The following NAALADL2 variants were observed in gnomAD, a reference collection of about 807,000 sequenced individuals.
The protein encoded by NAALADL2 is inactive N-acetylated-alpha-linked acidic dipeptidase-like protein 2.
In NAALADL2, 76 loss-of-function variants were observed where a neutral mutation model predicts 87.2. The observed-to-expected ratio is 0.87, with a 90% CI of 0.72 to 1.05. The LOEUF (loss-of-function observed/expected upper bound fraction) is 1.05. NAALADL2 is among the 50% of genes least tolerant of loss of function. NAALADL2 has a pLI of 0.00. For synonymous variants in NAALADL2, 354 were observed against 331.0 expected (o/e 1.07, Z -0.75); for missense variants, 1,089 against 945.8 (o/e 1.15, Z -1.99).
intron 2 of NAALADL2, among the ~76,000 whole-genome samples, chr3:174,690,091 A>G (rs1200285020): frequency 1.3e-5 from 2 of 152,214 alleles, no homozygotes; most frequent in African/African-American, 4.8e-5. Flanking sequence ...AGAAGTCATG[A>G]CAGAACTGTA....
chr3:174,703,588 ATAATTAGAGGATCT>A (rs1300984209), intron 2 of NAALADL2, among the ~76,000 whole-genome samples: 1 of 152,118 alleles, frequency 6.6e-6, no homozygotes, highest in Non-Finnish European at 1.5e-5. Context: ...AGTGAAGTAT[ATAATTAGAGGATCT>A]TAATCTTCTC....
At chr3:175,607,509 A>T (rs947238608) in intron 10 of NAALADL2, among the ~76,000 whole-genome samples, 1 of 151,660 alleles carries the variant, frequency 6.6e-6, no homozygotes, top group East Asian at 1.9e-4. Flanking sequence ...TCTCTATTTT[A>T]TGGGCAAAGG....
chr3:174,472,482 G>A (rs1716964940), intron 1 of NAALADL2, among the ~76,000 whole-genome samples: 1 of 152,096 alleles, frequency 6.6e-6, no homozygotes, highest in African/African-American at 2.4e-5. Flanking sequence ...GGGGGAATTG[G>A]TGAGTGTCAA....
At chr3:175,032,371 C>T (rs896121215) in intron 1 of NAALADL2, among the ~76,000 whole-genome samples, 1 of 151,918 alleles carries the variant, frequency 6.6e-6, no homozygotes, top group African/African-American at 2.4e-5. Context: ...ATGCGGTAAG[C>T]TCTATTAAGC....
chr3:174,930,613 A>AATTTTTTTTTTTTT (rs1188907600), intron 1 of NAALADL2, among the ~76,000 whole-genome samples: 1 of 99,776 alleles, frequency 1.0e-5, no homozygotes, highest in African/African-American at 4.4e-5. Context: ...AATAAGATGA[A>AATTTTTTTTTTTTT]CTTTTTTTTT....
intron 6 of NAALADL2, among the ~76,000 whole-genome samples, chr3:175,449,971 A>G (rs1303115119): frequency 6.6e-6 from 1 of 152,190 alleles, no homozygotes. Flanking sequence ...TGTTATAATG[A>G]GTTATTTATT....
At chr3:175,765,813 G>T (rs2150161197) in intron 13 of NAALADL2, among the ~76,000 whole-genome samples, 1 of 152,156 alleles carries the variant, frequency 6.6e-6, no homozygotes, top group East Asian at 1.9e-4. Flanking sequence ...CATTTTTCAT[G>T]TATTATTTGT....
At chr3:175,707,000 C>T (rs1420278775) in intron 11 of NAALADL2, among the ~76,000 whole-genome samples, 1 of 151,926 alleles carries the variant, frequency 6.6e-6, no homozygotes, top group Non-Finnish European at 1.5e-5. Context: ...AGAATAAAAA[C>T]AAAAAAGTTT....
At chr3:175,642,821 T>G (rs925055955) in intron 11 of NAALADL2, among the ~76,000 whole-genome samples, 1 of 152,134 alleles carries the variant, frequency 6.6e-6, no homozygotes, top group Non-Finnish European at 1.5e-5. Flanking sequence ...TAGGAACTGT[T>G]TAGTGATGCT....
chr3:175,013,096 A>T (rs1277133023), intron 1 of NAALADL2, among the ~76,000 whole-genome samples: 1 of 60,398 alleles, frequency 1.7e-5, no homozygotes, highest in Non-Finnish European at 2.4e-5. Context: ...ATTTATATAT[A>T]AATATACATA....
intron 1 of NAALADL2, among the ~76,000 whole-genome samples, chr3:175,078,520 A>G (rs971589948): frequency 6.6e-6 from 1 of 152,194 alleles, no homozygotes; most frequent in Non-Finnish European, 1.5e-5. Flanking sequence ...TGATCCAATC[A>G]GTTGTAGAAC....
intron 3 of NAALADL2, among the ~76,000 whole-genome samples, chr3:174,852,087 C>T (rs117878871): frequency 2.0e-5 from 3 of 151,930 alleles, no homozygotes; most frequent in Non-Finnish European, 4.4e-5. Context: ...TGATAACTAC[C>T]TTACAAAACA....
chr3:175,443,621 G>T (rs1040829928), intron 5 of NAALADL2, among the ~76,000 whole-genome samples: 2 of 152,034 alleles, frequency 1.3e-5, no homozygotes, highest in African/African-American at 2.4e-5. Context: ...AATTTTGGCA[G>T]GACTCAGAAA....
intron 2 of NAALADL2, among the ~76,000 whole-genome samples, chr3:175,153,849 G>A (rs1731917658): frequency 6.6e-6 from 1 of 152,164 alleles, no homozygotes; most frequent in Non-Finnish European, 1.5e-5. Flanking sequence ...CTGATTGCCT[G>A]TCTTTCAAAG....
At chr3:174,668,161 T>A (rs1726152094) in intron 2 of NAALADL2, among the ~76,000 whole-genome samples, 1 of 152,184 alleles carries the variant, frequency 6.6e-6, no homozygotes, top group South Asian at 2.1e-4. Flanking sequence ...TATTTGCATG[T>A]CTTCCTTTGT....
intron 4 of NAALADL2, among the ~76,000 whole-genome samples, chr3:175,293,637 G>A (rs1755944884): frequency 2.6e-5 from 4 of 151,914 alleles, no homozygotes; most frequent in Admixed American, 2.0e-4. Flanking sequence ...CTCATAAACG[G>A]GATCAATGCC....
At chr3:174,798,233 A>G (rs1021585103) in intron 3 of NAALADL2, among the ~76,000 whole-genome samples, 1 of 152,182 alleles carries the variant, frequency 6.6e-6, no homozygotes, top group African/African-American at 2.4e-5. Context: ...CCAGTACTAC[A>G]TAGTTGTGAA....
intron 11 of NAALADL2, among the ~76,000 whole-genome samples, chr3:175,671,714 A>G (rs965294171): frequency 3.3e-5 from 5 of 152,056 alleles, no homozygotes; most frequent in Non-Finnish European, 5.9e-5. Context: ...TTGTTAAGTC[A>G]TATTAAGTAC....
At chr3:175,047,308 T>G (rs1281972438) in intron 1 of NAALADL2, among the ~76,000 whole-genome samples, 2 of 152,182 alleles carry the variant, frequency 1.3e-5, no homozygotes, top group Non-Finnish European at 2.9e-5. Context: ...AAATGAACTT[T>G]GCGAAAATGA....
Sources: allele counts gnomAD v4.1 joint callset (sites outside exome capture counted in the v4.1 genomes callset), GRCh38; gene constraint gnomAD v4.1.1; transcripts MANE v1.5; gene names NCBI Gene and HGNC (gene_info 2026-07-23, HGNC 2026-07-21).